Variants in CACNB2 observed in about 807,000 individuals in gnomAD.
CACNB2 encodes the protein calcium voltage-gated channel auxiliary subunit beta 2, also known as voltage-dependent L-type calcium channel subunit beta-2.
A neutral mutation model predicts 73.3 loss-of-function variants in CACNB2; 42 were observed. That is an observed-to-expected ratio of 0.57 (90% CI 0.45 to 0.74). The LOEUF is 0.74. CACNB2 is among the 30% of genes least tolerant of loss of function. The pLI is 0.00. For missense variants in CACNB2, 940 were observed against 853.0 expected, an observed-to-expected ratio of 1.10 and a Z score of -1.27; for synonymous variants, 348 against 310.3, an observed-to-expected ratio of 1.12 and a Z score of -1.28.
intron 2 of CACNB2, among the ~76,000 whole-genome samples, chr10:18,355,803 T>G (rs897561266): frequency 3.3e-5 from 5 of 151,896 alleles, no homozygotes; most frequent in Non-Finnish European, 5.9e-5. Context: ...GCCTGCCTCA[T>G]TTTTTTGTAT....
intron 2 of CACNB2, among the ~76,000 whole-genome samples, chr10:18,178,901 C>T (rs1444219404): frequency 6.6e-6 from 1 of 152,174 alleles, no homozygotes; most frequent in Non-Finnish European, 1.5e-5. Context: ...TTTCTGCTGC[C>T]AAACCTTGTA....
At chr10:18,514,459 A>G in intron 7 of CACNB2, 90 bp downstream of exon 7, 16 of 1,613,922 alleles carry the variant, frequency 9.9e-6, no homozygotes, top group Non-Finnish European at 1.3e-5. Flanking sequence ...GTCCTTTGAT[A>G]AGCCAATAAC....
At chr10:18,382,657 G>C (rs1371285989) in intron 2 of CACNB2, among the ~76,000 whole-genome samples, 1 of 152,122 alleles carries the variant, frequency 6.6e-6, no homozygotes, top group Non-Finnish European at 1.5e-5. Flanking sequence ...TTCTGTTCCT[G>C]TGTTAGTTTG....
At chr10:18,171,521 GAAAAA>G (rs370201485) in intron 2 of CACNB2, among the ~76,000 whole-genome samples, 194 of 32,562 alleles carry the variant, frequency 6.0e-3, no homozygotes, top group South Asian at 0.022. Flanking sequence ...TTTGATAGCA[GAAAAA>G]AAAAAAAAAA....
intron 2 of CACNB2, among the ~76,000 whole-genome samples, chr10:18,289,375 A>G (rs2038963193): frequency 6.8e-6 from 1 of 146,354 alleles, no homozygotes; most frequent in Non-Finnish European, 1.5e-5. Context: ...GCTCACTGCA[A>G]GCTCCGCCTC....
intron 3 of CACNB2, among the ~76,000 whole-genome samples, chr10:18,492,398 A>G (rs761867838): frequency 2.0e-5 from 3 of 152,208 alleles, no homozygotes; most frequent in Non-Finnish European, 2.9e-5. Flanking sequence ...AGGCAAGCGG[A>G]TCACCTGAGG....
rs981553731 is a variant in CACNB2, at chr10:18,260,731, A to G, written c.213+109756A>G. ...GCTGCTGTCAGCCTGTGCATTGTGAAGAAGGCAATCATAGGCGAGCAGCCG... is the reference window on the plus strand; with the variant it reads ...GCTGCTGTCAGCCTGTGCATTGTGAGGAAGGCAATCATAGGCGAGCAGCCG... On this transcript the variant is annotated intron_variant, in intron 2 of 13. Transcript: ENST00000324631. The G allele has an allele frequency of 1.0e-5, 10 of 1,001,404 alleles. No individual in the cohort carries two copies. The African/African-American group carries it at 1.7e-4, about 17-fold the overall frequency. 62.0% of individuals were successfully genotyped at this position (1,001,404 alleles called of 1,614,324 possible).
rs1430391519 is a variant in CACNB2 at position 18,259,570 on chromosome 10, A to AC, written c.213+108595_213+108596insC. ...AAAAAAAACAAAAAACAAACAAAAAAAAAAAGTAAAAGTAGCCAGGCATGG... is the reference window on the plus strand; with the variant it reads ...AAAAAAAACAAAAAACAAACAAAAAACAAAAAGTAAAAGTAGCCAGGCATGG... On this transcript the variant is annotated intron_variant, in intron 2 of 13. Coordinates refer to ENST00000324631, the MANE Select transcript of CACNB2 (RefSeq NM_201596.3). 3.6e-4 allele frequency among the ~76,000 whole-genome samples: 42 copies of AC among 116,980 alleles called. 3 individuals are homozygous for AC. The highest frequency in any genetic ancestry group is 1.5e-3 in the South Asian group (6 of 4,028). 76.7% of individuals were successfully genotyped at this position (116,980 alleles called of 152,430 possible).
At chr10:18,512,573 CA>C (rs2050871904) in intron 6 of CACNB2, among the ~76,000 whole-genome samples, 1 of 152,104 alleles carries the variant, frequency 6.6e-6, no homozygotes, top group African/African-American at 2.4e-5. Flanking sequence ...ATTGTTGGTG[CA>C]AATGTAATTG....
chr10:18,419,981 AG>A (rs2132709287), intron 3 of CACNB2, among the ~76,000 whole-genome samples: 1 of 152,296 alleles, frequency 6.6e-6, no homozygotes, highest in South Asian at 2.1e-4. Context: ...CATTTCTATA[AG>A]TTCTAGGTTT....
intron 2 of CACNB2, among the ~76,000 whole-genome samples, chr10:18,369,026 T>C (rs1485657679): frequency 6.6e-6 from 1 of 152,162 alleles, no homozygotes; most frequent in Non-Finnish European, 1.5e-5. Flanking sequence ...GTTATTGAGA[T>C]CAAATTTGAA....
At chr10:18,407,961 T>C (rs1157099608) in intron 3 of CACNB2, among the ~76,000 whole-genome samples, 1 of 152,138 alleles carries the variant, frequency 6.6e-6, no homozygotes, top group Non-Finnish European at 1.5e-5. Flanking sequence ...TGGAGACTTT[T>C]TTCAAATGTT....
intron 3 of CACNB2, among the ~76,000 whole-genome samples, chr10:18,440,105 C>G (rs1174152713): frequency 6.6e-6 from 1 of 152,138 alleles, no homozygotes; most frequent in East Asian, 1.9e-4. Flanking sequence ...ATCTCTGCTT[C>G]ACATGTGGCC....
chr10:18,501,732 T>C (rs1478208117), intron 5 of CACNB2, among the ~76,000 whole-genome samples: 1 of 152,234 alleles, frequency 6.6e-6, no homozygotes, highest in Non-Finnish European at 1.5e-5. Context: ...TCTTATTTGT[T>C]TATCTAAGAT....
chr10:18,235,923 G>A (rs76377192), intron 2 of CACNB2, among the ~76,000 whole-genome samples: 3,175 of 152,222 alleles, frequency 0.021, 63 homozygotes, highest in South Asian at 0.082. Context: ...GATAGTGAGT[G>A]AGTGATTTCT....
chr10:18,235,791 G>T (rs570372323), intron 2 of CACNB2, among the ~76,000 whole-genome samples: 1 of 152,190 alleles, frequency 6.6e-6, no homozygotes, highest in East Asian at 1.9e-4. Flanking sequence ...AGCCACGGAG[G>T]TATGGTTTGG....
At chr10:18,181,123 T>C (rs557790178) in intron 2 of CACNB2, among the ~76,000 whole-genome samples, 1 of 150,632 alleles carries the variant, frequency 6.6e-6, no homozygotes, top group South Asian at 2.1e-4. Flanking sequence ...TCTCCTTCCC[T>C]TTTCTTCTGT....
intron 3 of CACNB2, among the ~76,000 whole-genome samples, chr10:18,413,378 A>G (rs1004055365): frequency 6.6e-6 from 1 of 152,044 alleles, no homozygotes; most frequent in African/African-American, 2.4e-5. Context: ...CTATTCTCTC[A>G]TACTTCTCCA....
chr10:18,331,693 C>T (rs948217231), intron 2 of CACNB2, among the ~76,000 whole-genome samples: 5 of 152,098 alleles, frequency 3.3e-5, no homozygotes, highest in Non-Finnish European at 7.3e-5. Flanking sequence ...CCTCTCATAA[C>T]AGCAGAAGAC....
Sources: allele counts gnomAD v4.1 joint callset (sites outside exome capture counted in the v4.1 genomes callset), GRCh38; gene constraint gnomAD v4.1.1; transcripts MANE v1.5; gene names NCBI Gene and HGNC (gene_info 2026-07-23, HGNC 2026-07-21).